CACNG5: variants seen among roughly 807,000 people sequenced by gnomAD.
CACNG5 encodes the protein voltage-dependent calcium channel gamma-5 subunit.
CACNG5 carries 18 observed loss-of-function variants against 24.8 expected under a neutral mutation model. The ratio of observed to expected loss-of-function variants is 0.73; its 90% CI spans 0.50 to 1.08. The LOEUF (loss-of-function observed/expected upper bound fraction) is 1.08. CACNG5 is among the 50% of genes least tolerant of loss of function. The probability of loss-of-function intolerance (pLI) is 0.00; values close to 1 mark genes in which losing one functional copy is unlikely to be tolerated. For synonymous variants in CACNG5, 157 were observed against 149.1 expected (o/e 1.05, Z -0.39); for missense variants, 349 against 367.9 (o/e 0.95, Z 0.42).
intron 1 of CACNG5, among the ~76,000 whole-genome samples, chr17:66,863,993 T>C (rs1976897170): frequency 6.6e-6 from 1 of 152,220 alleles, no homozygotes; most frequent in Admixed American, 6.5e-5. Flanking sequence ...TCTTGATATG[T>C]CCGGTAACTT....
rs1162726385 is a variant in CACNG5, at chr17:66,894,611, A to AT, written c.*9379dup. On this transcript the variant is annotated 3_prime_UTR_variant, in exon 6 of 6. Transcript: ENST00000533854. ...CTCTTGATTTTTTATTCATTCATTC[A>AT]TTTTTTTTCCTTCCCCCTCCACCCC... Among the ~76,000 whole-genome samples, 6 of 150,980 alleles carry AT rather than the reference A, an allele frequency of 4.0e-5. No homozygotes were observed. Among genetic ancestry groups the AT allele is most frequent in the East Asian group, 3.9e-4 (2 of 5,138 alleles).
chr17:66,856,602 C>T (rs138152229), intron 1 of CACNG5, among the ~76,000 whole-genome samples: 2,090 of 148,248 alleles, frequency 0.014, 53 homozygotes, highest in African/African-American at 0.048. Context: ...AGTGCAATGG[C>T]GCTATCTCGG....
At chr17:66,851,224 C>T (rs965673562) in intron 1 of CACNG5, among the ~76,000 whole-genome samples, 4 of 152,164 alleles carry the variant, frequency 2.6e-5, no homozygotes, top group East Asian at 1.9e-4. Context: ...AAGTTTCTAA[C>T]GCCCCCCAGG....
intron 1 of CACNG5, among the ~76,000 whole-genome samples, chr17:66,867,650 A>G (rs1350336635): frequency 6.6e-6 from 1 of 152,118 alleles, no homozygotes; most frequent in Non-Finnish European, 1.5e-5. Context: ...TTTTTGTATA[A>G]GGTGTAAGGA....
At position 66,886,900 on chromosome 17, in the gene CACNG5, T is replaced by C. The variant is rs955644175; in HGVS notation, c.*1660T>C. Among the ~76,000 whole-genome samples the C allele has an allele frequency of 1.4e-4, 22 of 152,212 alleles. No homozygotes were observed. Among genetic ancestry groups the C allele is most frequent in the Non-Finnish European group, 2.8e-4 (19 of 68,038 alleles). On this transcript the variant is annotated 3_prime_UTR_variant, in exon 6 of 6. Transcript: ENST00000533854. ...CTTGCAGACGGCTACCTTCCCGCTGTGTCCTCATGTGGTCTGTGTGCCCGT... is the reference window on the plus strand; with the variant it reads ...CTTGCAGACGGCTACCTTCCCGCTGCGTCCTCATGTGGTCTGTGTGCCCGT...
chr17:66,867,373 C>T (rs947601545), intron 1 of CACNG5, among the ~76,000 whole-genome samples: 3 of 151,900 alleles, frequency 2.0e-5, no homozygotes, highest in Admixed American at 2.0e-4. Context: ...GGTATTAGAC[C>T]TTTGTTAGAT....
intron 1 of CACNG5, among the ~76,000 whole-genome samples, chr17:66,849,252 G>A (rs111433217): frequency 2.2e-3 from 340 of 151,864 alleles, no homozygotes; most frequent in South Asian, 4.2e-3. Context: ...CCTGATGGAT[G>A]CATTGTTGTG....
rs1008748411 is a variant in CACNG5 at position 66,891,277 on chromosome 17, T to C, written c.*6037T>C. 2.6e-5 allele frequency among the ~76,000 whole-genome samples: 4 copies of C among 152,154 alleles called. No individual in the cohort carries two copies. The highest frequency in any genetic ancestry group is 5.9e-5 in the Non-Finnish European group (4 of 68,030). On this transcript the variant is annotated 3_prime_UTR_variant, in exon 6 of 6. Coordinates refer to ENST00000533854, the MANE Select transcript of CACNG5 (RefSeq NM_145811.3). ...TCTGGCAAGGGGAACAGGGTGGCCA[T>C]GTGCTCCAGTTTATTAATATACAAG...
intron 1 of CACNG5, among the ~76,000 whole-genome samples, chr17:66,871,865 G>C (rs111893835): frequency 1.3e-5 from 2 of 151,936 alleles, no homozygotes; most frequent in Non-Finnish European, 1.5e-5. Flanking sequence ...ATCTCAAAAA[G>C]AAACAAACAA....
Position 66,892,616 on chromosome 17 carries a change from A to G in CACNG5, c.*7376A>G, listed in dbSNP as rs984552152. On this transcript the variant is annotated 3_prime_UTR_variant, in exon 6 of 6. Transcript: ENST00000533854. ...AACCACGTATCACAACGTTCCCAGCAGACTAACTTGGGCCAATTTTTACTT... is the reference window on the plus strand; with the variant it reads ...AACCACGTATCACAACGTTCCCAGCGGACTAACTTGGGCCAATTTTTACTT... Among the ~76,000 whole-genome samples the G allele has an allele frequency of 2.6e-5, 4 of 152,246 alleles. No homozygotes were observed. Among genetic ancestry groups the G allele is most frequent in the African/African-American group, 9.6e-5 (4 of 41,466 alleles).
chr17:66,851,744 A>C (rs944370152), intron 1 of CACNG5, among the ~76,000 whole-genome samples: 1 of 152,244 alleles, frequency 6.6e-6, no homozygotes, highest in Non-Finnish European at 1.5e-5. Context: ...CGAGAAAAAG[A>C]CCAAAATGAT....
chr17:66,884,395 G>C lies in CACNG5; in HGVS notation c.425-121G>C, dbSNP rs969895036. The C allele has an allele frequency of 2.9e-5, 29 of 1,003,258 alleles. No individual in the cohort carries two copies. The African/African-American group carries it at 3.7e-4, about 13-fold the overall frequency. The allele number at this position is 1,003,258 out of a possible 1,614,324, so 62.1% of individuals were successfully genotyped here. On this transcript the variant is annotated intron_variant, in intron 4 of 5. Coordinates refer to ENST00000533854, the MANE Select transcript of CACNG5 (RefSeq NM_145811.3). ...TCTGCTCTCCTTTGAACTCCACTGAGAGCATTGTTACCCCAAGGCTGGTGG... is the reference window on the plus strand; with the variant it reads ...TCTGCTCTCCTTTGAACTCCACTGACAGCATTGTTACCCCAAGGCTGGTGG...
intron 1 of CACNG5, among the ~76,000 whole-genome samples, chr17:66,852,875 TTC>T (rs1306963545): frequency 2.0e-5 from 3 of 148,034 alleles, no homozygotes; most frequent in African/African-American, 4.9e-5. Context: ...TCCTCTCTCT[TTC>T]TCTCTCTTTT....
At chr17:66,852,295 G>A (rs1568064030) in intron 1 of CACNG5, among the ~76,000 whole-genome samples, 1 of 152,304 alleles carries the variant, frequency 6.6e-6, no homozygotes, top group East Asian at 1.9e-4. Flanking sequence ...CCACAGTGCT[G>A]TTATACCTGA....
chr17:66,891,209 T>G lies in CACNG5; in HGVS notation c.*5969T>G, dbSNP rs540636806. On this transcript the variant is annotated 3_prime_UTR_variant, in exon 6 of 6. Transcript: ENST00000533854. ...ACCCCAGCAGACTTCATGTCATGTC[T>G]CATTGGCCAAAACCAAGTCACATGC... Among the ~76,000 whole-genome samples the G allele has an allele frequency of 6.6e-6, 1 of 152,298 alleles. No homozygotes were observed. The highest frequency in any genetic ancestry group is 1.9e-4 in the East Asian group (1 of 5,182).
At chr17:66,835,491 G>C (rs1031977356) in intron 1 of CACNG5, among the ~76,000 whole-genome samples, 1 of 152,352 alleles carries the variant, frequency 6.6e-6, no homozygotes, top group African/African-American at 2.4e-5. Context: ...TCCCAAGGAT[G>C]TATCGGGGGA....
chr17:66,882,143 A>G (rs1221756947), intron 4 of CACNG5, among the ~76,000 whole-genome samples: 6 of 152,144 alleles, frequency 3.9e-5, no homozygotes, highest in Non-Finnish European at 8.8e-5. Flanking sequence ...ATGGTGGAAA[A>G]GAGAGAAATG....
intron 1 of CACNG5, among the ~76,000 whole-genome samples, chr17:66,871,941 G>A (rs992524418): frequency 6.6e-6 from 1 of 152,302 alleles, no homozygotes; most frequent in South Asian, 2.1e-4. Flanking sequence ...GACACTACAT[G>A]TTGCCATCTC....
At chr17:66,855,553 T>A (rs1976763770) in intron 1 of CACNG5, among the ~76,000 whole-genome samples, 1 of 152,230 alleles carries the variant, frequency 6.6e-6, no homozygotes, top group South Asian at 2.1e-4. Flanking sequence ...AGACAGAGTC[T>A]CACCCTGTCA....
Sources: allele counts gnomAD v4.1 joint callset (sites outside exome capture counted in the v4.1 genomes callset), GRCh38; gene constraint gnomAD v4.1.1; transcripts MANE v1.5; gene names NCBI Gene and HGNC (gene_info 2026-07-23, HGNC 2026-07-21).